The following OR1J2 variants were observed in gnomAD, a reference collection of about 807,000 sequenced individuals.
The protein encoded by OR1J2 is olfactory receptor 1J2.
For missense variants in OR1J2, 304 were observed against 246.1 expected (o/e 1.24, Z -1.57); for synonymous variants, 142 against 99.7 (o/e 1.42, Z -2.52).
the OR1J2 span, among the ~76,000 whole-genome samples, chr9:122,571,165 T>TACTTG: frequency 1.3e-5 from 2 of 152,266 alleles, no homozygotes; most frequent in East Asian, 3.9e-4. Flanking sequence ...CTTGCAGCTG[T>TACTTG]AAGGGTGATT....
chr9:122,522,457 A>G, the OR1J2 span, among the ~76,000 whole-genome samples: 1 of 152,190 alleles, frequency 6.6e-6, no homozygotes, highest in South Asian at 2.1e-4. Context: ...AAATTATTCT[A>G]TTTTGTCACA....
chr9:122,567,981 C>A, the OR1J2 span: 1 of 1,614,034 alleles, frequency 6.2e-7, no homozygotes, highest in East Asian at 2.2e-5. Context: ...GAAGGTGAGA[C>A]GATTCAGCAG....
the OR1J2 span, among the ~76,000 whole-genome samples, chr9:122,449,552 G>T: frequency 1.3e-5 from 2 of 152,034 alleles, no homozygotes; most frequent in African/African-American, 4.8e-5. Context: ...TGTATTTTTA[G>T]TAGAGACAGG....
the OR1J2 span, among the ~76,000 whole-genome samples, chr9:122,453,867 G>A: frequency 6.6e-6 from 1 of 152,182 alleles, no homozygotes; most frequent in Non-Finnish European, 1.5e-5. Flanking sequence ...GTCATCTTGG[G>A]TTACAACAAC....
chr9:122,494,141 A>AC, the OR1J2 span, among the ~76,000 whole-genome samples: 1 of 152,124 alleles, frequency 6.6e-6, no homozygotes, highest in African/African-American at 2.4e-5. Context: ...GCTGATGAAT[A>AC]GAGTGTATAT....
At chr9:122,459,577 A>T in the OR1J2 span, among the ~76,000 whole-genome samples, 5 of 152,132 alleles carry the variant, frequency 3.3e-5, no homozygotes, top group African/African-American at 1.2e-4. Flanking sequence ...GCTTCCCTTT[A>T]TGCTTCCCTC....
the OR1J2 span, among the ~76,000 whole-genome samples, chr9:122,488,741 C>A: frequency 3.3e-5 from 5 of 152,054 alleles, no homozygotes; most frequent in African/African-American, 7.2e-5. Context: ...TTGCTTTTTT[C>A]ATTATTTCTT....
the OR1J2 span, chr9:122,448,865 TTA>T: frequency 2.0e-5 from 3 of 152,024 alleles, no homozygotes; most frequent in Non-Finnish European, 4.4e-5. Context: ...ATGGAGTTTC[TTA>T]TGTCTTCCTT....
At chr9:122,461,926 T>G in the OR1J2 span, among the ~76,000 whole-genome samples, 1 of 152,218 alleles carries the variant, frequency 6.6e-6, no homozygotes, top group Non-Finnish European at 1.5e-5. Flanking sequence ...AAATATGTGT[T>G]AAGTCCATTT....
the OR1J2 span, among the ~76,000 whole-genome samples, chr9:122,481,262 G>C: frequency 6.6e-6 from 1 of 152,260 alleles, no homozygotes; most frequent in East Asian, 1.9e-4. Context: ...TCCCTGCAAA[G>C]GACATGATCT....
At chr9:122,568,121 C>T in the OR1J2 span, 1 of 1,614,002 alleles carries the variant, frequency 6.2e-7, no homozygotes, top group Non-Finnish European at 8.5e-7. Context: ...GGTCAAAGGC[C>T]ATGACTGCCA....
At chr9:122,580,405 C>G in the OR1J2 span, among the ~76,000 whole-genome samples, 1 of 152,156 alleles carries the variant, frequency 6.6e-6, no homozygotes, top group South Asian at 2.1e-4. Flanking sequence ...TGATCATTTA[C>G]AAATAAAACC....
At chr9:122,519,889 T>G in the OR1J2 span, 2 of 1,614,206 alleles carry the variant, frequency 1.2e-6, no homozygotes, top group South Asian at 2.2e-5. Flanking sequence ...GTGGTGTCTC[T>G]GTATTATGGC....
the OR1J2 span, among the ~76,000 whole-genome samples, chr9:122,542,203 A>G: frequency 6.6e-6 from 1 of 152,214 alleles, no homozygotes. Context: ...TATTATACAA[A>G]TAACCCATAG....
At chr9:122,453,629 A>T in the OR1J2 span, among the ~76,000 whole-genome samples, 13 of 152,178 alleles carry the variant, frequency 8.5e-5, no homozygotes, top group African/African-American at 2.9e-4. Flanking sequence ...TCCCATAATC[A>T]TCGTATTGGA....
the OR1J2 span, among the ~76,000 whole-genome samples, chr9:122,479,840 T>A: frequency 6.6e-6 from 1 of 152,224 alleles, no homozygotes; most frequent in Non-Finnish European, 1.5e-5. Flanking sequence ...AATTTGTTGA[T>A]CAAATAAAAT....
the OR1J2 span, among the ~76,000 whole-genome samples, chr9:122,465,957 G>T: frequency 6.6e-6 from 1 of 152,142 alleles, no homozygotes; most frequent in East Asian, 1.9e-4. Flanking sequence ...GTTCCTTGGA[G>T]CAAGGCTGAA....
At chr9:122,447,595 C>T in the OR1J2 span, 1 of 152,028 alleles carries the variant, frequency 6.6e-6, no homozygotes, top group Admixed American at 6.6e-5. Flanking sequence ...ACTAGACTTT[C>T]TGTTAATCTA....
chr9:122,533,895 G>A, the OR1J2 span, among the ~76,000 whole-genome samples: 28 of 151,998 alleles, frequency 1.8e-4, no homozygotes, highest in Non-Finnish European at 4.1e-4. Flanking sequence ...CAGCGTCAGT[G>A]TTCAGCCGCT....
Sources: allele counts gnomAD v4.1 joint callset (sites outside exome capture counted in the v4.1 genomes callset), GRCh38; gene constraint gnomAD v4.1.1; transcripts MANE v1.5; gene names NCBI Gene and HGNC (gene_info 2026-07-23, HGNC 2026-07-21).